MAP2: variants seen among roughly 807,000 people sequenced by gnomAD.
MAP2 encodes the protein microtubule-associated protein 2.
A neutral mutation model predicts 137.6 loss-of-function variants in MAP2; 14 were observed. That is an observed-to-expected ratio of 0.10 (90% CI 0.07 to 0.16). MAP2 has a LOEUF of 0.16. Ranked by LOEUF, MAP2 falls within the 10% of genes least tolerant of loss-of-function variation. The probability of loss-of-function intolerance (pLI) is 1.00; values close to 1 mark genes in which losing one functional copy is unlikely to be tolerated. For missense variants in MAP2, 2,088 were observed against 2,191.5 expected (o/e 0.95, Z 0.94); for synonymous variants, 786 against 782.3 (o/e 1.00, Z -0.08).
At chr2:209,723,509 C>A in intron 13 of MAP2, 1 of 764,570 alleles carries the variant, frequency 1.3e-6, no homozygotes. Flanking sequence ...GAATCTAAAG[C>A]CTCTTTGATG....
At chr2:209,717,197 T>C (rs1488045941) in intron 13 of MAP2, among the ~76,000 whole-genome samples, 5 of 152,170 alleles carry the variant, frequency 3.3e-5, no homozygotes, top group Non-Finnish European at 5.9e-5. Context: ...TTCCACAGGC[T>C]TAACAGGGCG....
At chr2:209,718,987 C>A (rs546084233) in intron 13 of MAP2, among the ~76,000 whole-genome samples, 1 of 151,644 alleles carries the variant, frequency 6.6e-6, no homozygotes, top group African/African-American at 2.4e-5. Context: ...TTTATAGAGG[C>A]GAAATAGTTT....
At chr2:209,488,472 G>C (rs1337156988) in intron 1 of MAP2, among the ~76,000 whole-genome samples, 2 of 152,114 alleles carry the variant, frequency 1.3e-5, no homozygotes, top group Non-Finnish European at 2.9e-5. Flanking sequence ...GCTGAAGCCA[G>C]GGAGCCAAGT....
chr2:209,548,644 G>T (rs188249867), intron 2 of MAP2, among the ~76,000 whole-genome samples: 55 of 152,274 alleles, frequency 3.6e-4, no homozygotes, highest in Non-Finnish European at 4.4e-4. Context: ...ATCTTGAATT[G>T]TAATAGCCAT....
chr2:209,545,457 A>T (rs1039714298), intron 2 of MAP2, among the ~76,000 whole-genome samples: 2 of 151,380 alleles, frequency 1.3e-5, no homozygotes, highest in Non-Finnish European at 3.0e-5. Context: ...TTGAATAAAC[A>T]TTAATTAGTT....
At chr2:209,711,425 C>T (rs1054781899) in intron 13 of MAP2, among the ~76,000 whole-genome samples, 3 of 152,070 alleles carry the variant, frequency 2.0e-5, no homozygotes, top group African/African-American at 7.2e-5. Context: ...TAAGGGAAAG[C>T]CCAAAGAGTT....
chr2:209,512,105 A>G (rs2061798011), intron 2 of MAP2, among the ~76,000 whole-genome samples: 1 of 152,072 alleles, frequency 6.6e-6, no homozygotes, highest in Non-Finnish European at 1.5e-5. Context: ...ATTATCTGTA[A>G]AATGGAAACA....
chr2:209,481,304 C>A (rs908747970), intron 1 of MAP2, among the ~76,000 whole-genome samples: 5 of 152,188 alleles, frequency 3.3e-5, no homozygotes, highest in African/African-American at 1.2e-4. Context: ...GAAGATGGTT[C>A]AGCCTTCATA....
intron 1 of MAP2, among the ~76,000 whole-genome samples, chr2:209,437,436 T>C (rs10932301): frequency 0.56 from 85,213 of 151,418 alleles, 25,773 homozygotes; most frequent in African/African-American, 0.79. Context: ...CTGGGACTTA[T>C]AGTATAACTG....
intron 1 of MAP2, among the ~76,000 whole-genome samples, chr2:209,479,911 T>C (rs1442463138): frequency 6.6e-6 from 1 of 152,162 alleles, no homozygotes; most frequent in Non-Finnish European, 1.5e-5. Flanking sequence ...AGTAGAAAGC[T>C]CAAATGGTTT....
chr2:209,705,696 T>G lies in MAP2; in HGVS notation c.4701T>G (p.Ser1567Arg). The G allele has an allele frequency of 6.2e-7, 1 of 1,613,032 alleles. No homozygotes were observed. The highest frequency in any genetic ancestry group is 8.5e-7 in the Non-Finnish European group (1 of 1,179,290). Residue 1567 changes from serine to arginine, a missense_variant, in exon 12 of 16, where the codon AGT becomes AGG. Transcript: ENST00000682079. ...ATGAGAATTCCTTCTCTCTCAACAG[T>G]TCTATCTCTTCTTCAGCACGGCGGA... ...DRDENSFSLN[S>R]SISSSARRTT...
At chr2:209,723,584 A>G (rs758902621) in intron 13 of MAP2, 5 of 1,560,758 alleles carry the variant, frequency 3.2e-6, no homozygotes, top group Non-Finnish European at 4.4e-6. Flanking sequence ...GTTACCTCCA[A>G]TTCCTTTTAG....
intron 1 of MAP2, among the ~76,000 whole-genome samples, chr2:209,474,093 G>GGT (rs2149744819): frequency 6.6e-6 from 1 of 151,372 alleles, no homozygotes; most frequent in South Asian, 2.1e-4. Flanking sequence ...GCAAACTTTA[G>GGT]AAGTAGTACT....
At chr2:209,712,652 G>A (rs988609111) in intron 13 of MAP2, among the ~76,000 whole-genome samples, 1 of 152,120 alleles carries the variant, frequency 6.6e-6, no homozygotes, top group East Asian at 1.9e-4. Context: ...AACTGTCTTT[G>A]TAGGAAAAAC....
chr2:209,590,068 C>T (rs1364671948), intron 3 of MAP2, among the ~76,000 whole-genome samples: 1 of 152,068 alleles, frequency 6.6e-6, no homozygotes. Context: ...ATGGGTCCAC[C>T]AAGGCCATGC....
chr2:209,555,409 A>G (rs372611697), intron 2 of MAP2, among the ~76,000 whole-genome samples: 19 of 152,304 alleles, frequency 1.2e-4, no homozygotes, highest in Non-Finnish European at 1.6e-4. Flanking sequence ...GTTTTAATGG[A>G]GGCCGAGAGT....
intron 14 of MAP2, among the ~76,000 whole-genome samples, chr2:209,729,109 A>G (rs1243634467): frequency 6.6e-6 from 1 of 152,318 alleles, no homozygotes; most frequent in East Asian, 1.9e-4. Flanking sequence ...AGAGTGCAGC[A>G]TGGCACTGTT....
At chr2:209,722,309 A>G (rs537409278) in intron 13 of MAP2, among the ~76,000 whole-genome samples, 20 of 152,336 alleles carry the variant, frequency 1.3e-4, no homozygotes, top group African/African-American at 4.1e-4. Context: ...GGGACAAGCT[A>G]TCTTGTCAAT....
chr2:209,428,116 A>G (rs557227094), intron 1 of MAP2, among the ~76,000 whole-genome samples: 1 of 152,356 alleles, frequency 6.6e-6, no homozygotes, highest in African/African-American at 2.4e-5. Context: ...AATGATGTGA[A>G]CACAATTAGA....
Sources: allele counts gnomAD v4.1 joint callset (sites outside exome capture counted in the v4.1 genomes callset), GRCh38; gene constraint gnomAD v4.1.1; transcripts MANE v1.5; gene names NCBI Gene and HGNC (gene_info 2026-07-23, HGNC 2026-07-21).